The following HFM1 variants were observed in gnomAD, a reference collection of about 807,000 sequenced individuals.
HFM1 encodes the protein probable ATP-dependent DNA helicase HFM1.
Under a neutral mutation model 192.1 loss-of-function variants are expected in HFM1, and 169 were observed. That is an observed-to-expected ratio of 0.88 (90% CI 0.78 to 1.00). HFM1 has a LOEUF of 1.00. HFM1 is among the 50% of genes least tolerant of loss of function. The probability of loss-of-function intolerance (pLI) is 0.00; values close to 1 mark genes in which losing one functional copy is unlikely to be tolerated. For missense variants in HFM1, 1,661 were observed against 1,668.0 expected, an observed-to-expected ratio of 1.00 and a Z score of 0.07; for synonymous variants, 525 against 537.8, an observed-to-expected ratio of 0.98 and a Z score of 0.33.
In HFM1 at chr1:91,379,065, G is replaced by A; in HGVS notation, c.1156C>T (p.Pro386Ser). 1 of 1,540,980 alleles carries A rather than the reference G, an allele frequency of 6.5e-7. No individual in the cohort carries two copies. The highest frequency in any genetic ancestry group is 8.8e-7 in the Non-Finnish European group (1 of 1,140,236). The change falls in exon 9 of 39, where the codon CCA becomes TCA. Residue 386 changes from proline (P) to serine (S), a missense_variant and splice_region_variant. Physicochemically the swap from Pro to Ser is moderately conservative, Grantham distance 74. Transcript: ENST00000370425. Reference protein sequence around the residue: ...IQHAHIIMTTPEKWDSMTRKW... With the variant: ...IQHAHIIMTTSEKWDSMTRKW... ...CATAAAGTATAAATAATACCTACTGGAGTTGTCATAATAATATGGGCATGC... is the reference window on the plus strand; with the variant it reads ...CATAAAGTATAAATAATACCTACTGAAGTTGTCATAATAATATGGGCATGC...
In HFM1 at chr1:91,316,119, A is replaced by G. The variant is rs139727149; in HGVS notation, c.2964T>C (p.Tyr988=). Reference sequence around the variant, plus strand: ...TATTTACCTGTTCCACTTTAAGTTCATATTTTGGTAGATACATCACAGTTT... The same window carrying G: ...TATTTACCTGTTCCACTTTAAGTTCGTATTTTGGTAGATACATCACAGTTT... ...IKETVMYLPK[Y]ELKVEQITRY... is the part of the protein sequence containing the mutation. The change falls in exon 27 of 39, where the codon TAT becomes TAC. Residue 988 remains tyrosine (Y), a synonymous_variant. Transcript: ENST00000370425. 2.2e-5 allele frequency: 35 copies of G among 1,588,822 alleles called. 1 individual carries two copies. In the Admixed American group the frequency reaches 2.2e-4, roughly 10 times the overall value.
chr1:91,311,617 C>T (rs1200363320), intron 30 of HFM1, among the ~76,000 whole-genome samples: 6 of 146,632 alleles, frequency 4.1e-5, no homozygotes, highest in African/African-American at 1.2e-4. Flanking sequence ...CAGAGTGAGA[C>T]TCCATCTCAA....
At chr1:91,385,548 A>G (rs1176561561) in intron 5 of HFM1, 27 bp downstream of exon 5, 2 of 1,587,760 alleles carry the variant, frequency 1.3e-6, no homozygotes, top group Admixed American at 3.4e-5. Flanking sequence ...TGTACTCATA[A>G]AATGAACTGA....
At chr1:91,325,167 C>T (rs964967892) in intron 20 of HFM1, among the ~76,000 whole-genome samples, 2 of 152,194 alleles carry the variant, frequency 1.3e-5, no homozygotes, top group Non-Finnish European at 1.5e-5. Flanking sequence ...TATAAGCTGA[C>T]AGAAGAGCCC....
At chr1:91,314,311 T>C (rs1417057102) in intron 28 of HFM1, among the ~76,000 whole-genome samples, 1 of 152,220 alleles carries the variant, frequency 6.6e-6, no homozygotes, top group Admixed American at 6.5e-5. Context: ...TGGAGTGCAG[T>C]GGTACAATCA....
upstream of HFM1, among the ~76,000 whole-genome samples, chr1:91,406,386 G>A (rs1664813761): frequency 6.6e-6 from 1 of 152,166 alleles, no homozygotes; most frequent in Non-Finnish European, 1.5e-5. Flanking sequence ...GTAGCAAATG[G>A]CCACCATGTT....
At chr1:91,358,153 T>C (rs1014301659) in intron 13 of HFM1, among the ~76,000 whole-genome samples, 2 of 152,022 alleles carry the variant, frequency 1.3e-5, no homozygotes, top group South Asian at 2.1e-4. Flanking sequence ...ATCAAGACTA[T>C]CCTGGCTAAC....
At position 91,292,716 on chromosome 1, in the gene HFM1, T is replaced by C. The variant is rs577321991; in HGVS notation, c.3392-15654A>G. On this transcript the variant is annotated intron_variant, in intron 30 of 38. Transcript: ENST00000370425. ...GGAAAAAACTACTTTAAAGTTCATA[T>C]GGAACAAAAAAAGAGCTCGTATCAC... 4.6e-5 allele frequency among the ~76,000 whole-genome samples: 7 copies of C among 152,104 alleles called. No individual in the cohort carries two copies. The South Asian group carries it at 8.3e-4, about 18-fold the overall frequency.
chr1:91,347,482 T>A lies in HFM1; in HGVS notation c.2207-6A>T, dbSNP rs576342909. ...GTTCAATCCAGATGCAAAACCTGCA[T>A]GTCATGAAAAAGTAAAATAGAATTT... On this transcript the variant is annotated splice_region_variant and splice_polypyrimidine_tract_variant and intron_variant, in intron 18 of 38. Coordinates refer to ENST00000370425, the MANE Select transcript of HFM1 (RefSeq NM_001017975.6). 15 of 1,582,710 alleles carry A rather than the reference T, an allele frequency of 9.5e-6. No individual in the cohort carries two copies. In the East Asian group the frequency reaches 2.5e-4, roughly 26 times the overall value.
intron 35 of HFM1, among the ~76,000 whole-genome samples, chr1:91,267,262 TTTAC>T (rs1013329466): frequency 2.6e-5 from 4 of 152,206 alleles, no homozygotes; most frequent in African/African-American, 9.6e-5. Flanking sequence ...TTCTTTCTTA[TTTAC>T]TTATTTATGT....
chr1:91,291,923 A>G (rs1449735105), intron 30 of HFM1, among the ~76,000 whole-genome samples: 1 of 152,234 alleles, frequency 6.6e-6, no homozygotes, highest in East Asian at 1.9e-4. Context: ...AATGTAATCC[A>G]GCATATAAAC....
At chr1:91,314,365 T>G (rs1394693254) in intron 28 of HFM1, among the ~76,000 whole-genome samples, 1 of 152,210 alleles carries the variant, frequency 6.6e-6, no homozygotes, top group African/African-American at 2.4e-5. Flanking sequence ...GCAGTCTTCC[T>G]GCCTCGGTCT....
chr1:91,343,480 G>T lies in HFM1; in HGVS notation c.2285C>A (p.Ser762Ter). ...ELCLKNLNDLSSLDLIKMDEG... is the reference protein window; with the variant it reads ...ELCLKNLNDL ...ATCCATCTTTATTAAGTCCAGGGAT[G>T]ATAAATCATTCAGATTCTTCAAACA... Residue 762 changes from serine (S) to a stop codon, truncating the protein, a stop_gained, in exon 20 of 39, where the codon TCA (serine) becomes TAA (stop). Transcript: ENST00000370425. LOFTEE classifies it high-confidence loss of function. The T allele has an allele frequency of 7.0e-7, 1 of 1,428,420 alleles. No homozygotes were observed. Among genetic ancestry groups the T allele is most frequent in the Non-Finnish European group, 9.6e-7 (1 of 1,042,334 alleles). The allele number at this position is 1,428,420 out of a possible 1,614,324, so 88.5% of individuals were successfully genotyped here.
intron 13 of HFM1, among the ~76,000 whole-genome samples, chr1:91,373,407 A>G (rs184908056): frequency 7.4e-4 from 112 of 152,260 alleles, no homozygotes; most frequent in Middle Eastern, 6.8e-3. Context: ...AGAAGTTATT[A>G]ACAATAATAA....
chr1:91,396,134 C>G (rs1225172536), intron 3 of HFM1, among the ~76,000 whole-genome samples, 159 bp downstream of exon 3: 2 of 151,976 alleles, frequency 1.3e-5, no homozygotes, highest in Non-Finnish European at 2.9e-5. Flanking sequence ...TCTGAAATTT[C>G]TGAAATCAAT....
chr1:91,401,253 A>C lies in HFM1; in HGVS notation c.-27-144T>G, dbSNP rs1280835434. 4 of 534,334 alleles carry C rather than the reference A, an allele frequency of 7.5e-6. No homozygotes were observed. In the Admixed American group the frequency reaches 1.5e-4, roughly 20 times the overall value. 33.1% of individuals were successfully genotyped at this position (534,334 alleles called of 1,614,324 possible). Reference sequence around the variant, plus strand: ...GCTTCATCGTCTGCAACTTCCTTCAAAGCACCTCAATATTCACATACATTA... The same window carrying C: ...GCTTCATCGTCTGCAACTTCCTTCACAGCACCTCAATATTCACATACATTA... On this transcript the variant is annotated intron_variant, in intron 1 of 38. Transcript: ENST00000370425.
At chr1:91,373,409 C>A (rs1444848112) in intron 13 of HFM1, among the ~76,000 whole-genome samples, 2 of 152,086 alleles carry the variant, frequency 1.3e-5, no homozygotes, top group Non-Finnish European at 2.9e-5. Context: ...AAGTTATTAA[C>A]AATAATAATA....
chr1:91,280,097 T>C (rs191632754), intron 30 of HFM1, among the ~76,000 whole-genome samples: 2 of 152,292 alleles, frequency 1.3e-5, no homozygotes, highest in Admixed American at 1.3e-4. Context: ...ATTACATCAA[T>C]CCAAGATTAA....
At chr1:91,299,682 C>CT (rs1157185873) in intron 30 of HFM1, among the ~76,000 whole-genome samples, 1 of 152,200 alleles carries the variant, frequency 6.6e-6, no homozygotes, top group African/African-American at 2.4e-5. Flanking sequence ...TCCTGAATGA[C>CT]TACTGGGTAC....
Sources: gnomAD v4.1 joint callset for allele counts (sites outside exome capture counted in the v4.1 genomes callset) on GRCh38, gnomAD v4.1.1 for gene constraint, MANE v1.5 for transcripts, NCBI Gene and HGNC (gene_info 2026-07-23, HGNC 2026-07-21) for gene names.